Variants in FRMD4B observed in about 807,000 individuals in gnomAD.
FRMD4B encodes FERM domain-containing protein 4B.
Under a neutral mutation model 141.5 loss-of-function variants are expected in FRMD4B, and 74 were observed. That is an observed-to-expected ratio of 0.52 (90% confidence interval 0.43 to 0.63). The LOEUF is 0.63. FRMD4B is among the 30% of genes least tolerant of loss of function. The pLI is 0.00. For synonymous variants in FRMD4B, 506 were observed against 467.9 expected, an observed-to-expected ratio of 1.08 and a Z score of -1.05; for missense variants, 1,366 against 1,253.4, an observed-to-expected ratio of 1.09 and a Z score of -1.36.
rs552563929 is a variant in FRMD4B at position 69,393,738 on chromosome 3, G to C, written c.-1+38896C>G. ...TGACAACAAAAAAAGTCATAAATTG[G>C]TCTATATAGCACCATTATTTTTTCT... On this transcript the variant is annotated intron_variant, in intron 2 of 5. Transcript: ENST00000459638. Among the ~76,000 whole-genome samples the C allele has an allele frequency of 3.3e-3, 498 of 152,020 alleles. 4 individuals carry two copies. The highest frequency in any genetic ancestry group is 3.0e-3 in the Non-Finnish European group (205 of 67,984).
chr3:69,281,348 C>A (rs1456768858), intron 5 of FRMD4B, among the ~76,000 whole-genome samples: 1 of 152,092 alleles, frequency 6.6e-6, no homozygotes, highest in Non-Finnish European at 1.5e-5. Flanking sequence ...ATGAAATTAA[C>A]TTTGTAGATG....
At position 69,247,217 on chromosome 3, in the gene FRMD4B, T is replaced by C. The variant is rs1327259378; in HGVS notation, c.581+2009A>G. Among the ~76,000 whole-genome samples, 3 of 152,134 alleles carry C rather than the reference T, an allele frequency of 2.0e-5. No individual in the cohort carries two copies. In the East Asian group the frequency reaches 5.8e-4, roughly 29 times the overall value. On this transcript the variant is annotated intron_variant, in intron 7 of 22. Transcript: ENST00000398540. ...ACATTTGATTCTCATGACAGTTTTA[T>C]GGGAAAGGTACCATTTTACCGATGA...
At chr3:69,292,559 C>G (rs1700905830) in intron 4 of FRMD4B, among the ~76,000 whole-genome samples, 1 of 152,222 alleles carries the variant, frequency 6.6e-6, no homozygotes, top group African/African-American at 2.4e-5. Context: ...CCACTACTTT[C>G]TGGCGACCAG....
chr3:69,413,860 C>CG (rs1704803500), intron 2 of FRMD4B, among the ~76,000 whole-genome samples: 1 of 152,066 alleles, frequency 6.6e-6, no homozygotes, highest in Non-Finnish European at 1.5e-5. Context: ...ACGGCTCCTA[C>CG]GTGTTTCTCA....
Position 69,517,342 on chromosome 3 carries a change from T to A in FRMD4B, c.-129+24864A>T, listed in dbSNP as rs9857695. Among the ~76,000 whole-genome samples the A allele has an allele frequency of 5.9e-3, 892 of 152,190 alleles. 7 individuals are homozygous for A. The highest frequency in any genetic ancestry group is 0.021 in the African/African-American group (855 of 41,536). On this transcript the variant is annotated intron_variant, in intron 1 of 5. Coordinates refer to the FRMD4B transcript ENST00000459638. ...GATGGCTCGCCCAAATACCACCCTA[T>A]GTCAGATTGATTTGTTCAGCCCAAC... is the stretch of plus-strand genomic sequence containing the variant.
chr3:69,360,806 T>C (rs974725087), intron 1 of FRMD4B, among the ~76,000 whole-genome samples: 2 of 152,212 alleles, frequency 1.3e-5, no homozygotes, highest in Admixed American at 1.3e-4. Context: ...ACTTGTGTTT[T>C]TTCATTAGAA....
At position 69,245,317 on chromosome 3, in the gene FRMD4B, TTGTGTGTGTGTGTG is replaced by T. The variant is rs67220182; in HGVS notation, c.581+3895_581+3908del. On this transcript the variant is annotated intron_variant, in intron 7 of 22. Coordinates refer to ENST00000398540, the MANE Select transcript of FRMD4B (RefSeq NM_015123.3). ...GGTATTTTATTTTGCCTGACTTTCT[TTGTGTGTGTGTGTG>T]TGTGTGTGTGTGTGTGTGTGTGTTT... is the stretch of plus-strand genomic sequence containing the variant. 1.5e-4 allele frequency among the ~76,000 whole-genome samples: 22 copies of T among 143,054 alleles called. No individual in the cohort carries two copies. In the East Asian group the frequency reaches 2.5e-3, roughly 16 times the overall value. 93.8% of individuals were successfully genotyped at this position (143,054 alleles called of 152,430 possible).
intron 1 of FRMD4B, among the ~76,000 whole-genome samples, chr3:69,525,777 T>C (rs1700924306): frequency 6.6e-6 from 1 of 151,966 alleles, no homozygotes; most frequent in Non-Finnish European, 1.5e-5. Flanking sequence ...ATCAGCCTCC[T>C]GAGTAGCTGG....
chr3:69,196,661 T>C, intron 13 of FRMD4B: 2 of 579,008 alleles, frequency 3.5e-6, no homozygotes, highest in Non-Finnish European at 6.0e-6. Context: ...CCGCCAGCAG[T>C]GTCACCAGTA....
chr3:69,300,005 T>A (rs559161054), intron 4 of FRMD4B, among the ~76,000 whole-genome samples: 1 of 152,300 alleles, frequency 6.6e-6, no homozygotes, highest in South Asian at 2.1e-4. Flanking sequence ...TATTCTTCAG[T>A]CAAACAGGCA....
At chr3:69,362,193 C>T (rs1243849908) in intron 1 of FRMD4B, among the ~76,000 whole-genome samples, 1 of 152,160 alleles carries the variant, frequency 6.6e-6, no homozygotes, top group Non-Finnish European at 1.5e-5. Context: ...TAAATATAAA[C>T]TCCACAATAA....
intron 11 of FRMD4B, among the ~76,000 whole-genome samples, chr3:69,207,068 T>G (rs533239080): frequency 6.6e-6 from 1 of 151,642 alleles, no homozygotes; most frequent in South Asian, 2.1e-4. Context: ...TTTGGGAGGC[T>G]GAGGTGGGAG....
Position 69,475,199 on chromosome 3 carries a change from C to CT in FRMD4B, c.-128-42439dup, listed in dbSNP as rs545261601. On this transcript the variant is annotated intron_variant, in intron 1 of 5. Coordinates refer to the FRMD4B transcript ENST00000459638. Reference sequence around the variant, plus strand: ...ACCTGTGTTTCTATTTTTTCTTTTTCTTTTTTTTCTTTTATTATTATTATA... The same window carrying CT: ...ACCTGTGTTTCTATTTTTTCTTTTTCTTTTTTTTTCTTTTATTATTATTATA... 2.2e-4 allele frequency among the ~76,000 whole-genome samples: 34 copies of CT among 151,704 alleles called. No homozygotes were observed. In the South Asian group the frequency reaches 6.7e-3, roughly 30 times the overall value.
At chr3:69,228,969 T>C (rs1481254555) in intron 7 of FRMD4B, among the ~76,000 whole-genome samples, 1 of 151,656 alleles carries the variant, frequency 6.6e-6, no homozygotes, top group East Asian at 1.9e-4. Flanking sequence ...TTAGGCAAAT[T>C]ACTTGTCTCG....
chr3:69,468,362 G>A (rs189911131), intron 1 of FRMD4B, among the ~76,000 whole-genome samples: 105 of 151,976 alleles, frequency 6.9e-4, no homozygotes, highest in African/African-American at 1.9e-3. Context: ...AGACACTGTT[G>A]GTGGCCTACC....
At chr3:69,382,255 G>A (rs933154609) in intron 1 of FRMD4B, among the ~76,000 whole-genome samples, 6 of 152,174 alleles carry the variant, frequency 3.9e-5, no homozygotes, top group African/African-American at 1.4e-4. Context: ...GGCCAGGCTG[G>A]TCTCGAACTC....
chr3:69,199,808 T>C (rs1421646609), intron 11 of FRMD4B, among the ~76,000 whole-genome samples: 6 of 152,240 alleles, frequency 3.9e-5, no homozygotes, highest in Non-Finnish European at 5.9e-5. Context: ...GAAAACCAAA[T>C]AATTTGATAG....
chr3:69,422,828 C>T (rs930610565), intron 2 of FRMD4B, among the ~76,000 whole-genome samples: 8 of 152,024 alleles, frequency 5.3e-5, no homozygotes, highest in African/African-American at 1.4e-4. Context: ...TAGCTCAGGA[C>T]GGTAGCAAAA....
chr3:69,267,961 A>T (rs1243563884), intron 5 of FRMD4B, among the ~76,000 whole-genome samples: 11 of 151,804 alleles, frequency 7.2e-5, no homozygotes, highest in Admixed American at 7.2e-4. Context: ...GAATTAATCT[A>T]TACCTTTTAA....
Sources: allele counts gnomAD v4.1 joint callset (sites outside exome capture counted in the v4.1 genomes callset), GRCh38; gene constraint gnomAD v4.1.1; transcripts MANE v1.5; gene names NCBI Gene and HGNC (gene_info 2026-07-23, HGNC 2026-07-21).